The following SUCLG2 variants were observed in gnomAD, a reference collection of about 807,000 sequenced individuals.
SUCLG2 encodes the protein succinate--CoA ligase [GDP-forming] subunit beta, mitochondrial.
Under a neutral mutation model 47.9 loss-of-function variants are expected in SUCLG2, and 42 were observed. That is an observed-to-expected ratio of 0.88 (90% CI 0.69 to 1.14). SUCLG2 has a LOEUF of 1.14. SUCLG2 is among the 50% of genes most tolerant of loss of function. The pLI is 0.00. For missense variants in SUCLG2, 571 were observed against 525.9 expected, an observed-to-expected ratio of 1.09 and a Z score of -0.84; for synonymous variants, 195 against 197.3, an observed-to-expected ratio of 0.99 and a Z score of 0.10.
At chr3:67,561,467 T>A (rs1370858901) in intron 2 of SUCLG2, among the ~76,000 whole-genome samples, 3 of 152,240 alleles carry the variant, frequency 2.0e-5, no homozygotes, top group Admixed American at 2.0e-4. Flanking sequence ...TATCCTCTTG[T>A]GTGGCAAAAT....
intron 9 of SUCLG2, among the ~76,000 whole-genome samples, chr3:67,423,656 C>T (rs1233089920): frequency 6.6e-6 from 1 of 152,126 alleles, no homozygotes; most frequent in Non-Finnish European, 1.5e-5. Flanking sequence ...TTTTCTCTTA[C>T]CCCCTGCTCT....
intron 2 of SUCLG2, among the ~76,000 whole-genome samples, chr3:67,575,729 G>C (rs751644749): frequency 3.3e-5 from 5 of 152,182 alleles, no homozygotes; most frequent in Non-Finnish European, 5.9e-5. Flanking sequence ...AAGAAAGCTA[G>C]CCAACAAGGA....
At chr3:67,514,362 A>T in intron 6 of SUCLG2, 2 of 327,640 alleles carry the variant, frequency 6.1e-6, no homozygotes, top group South Asian at 6.5e-5. Context: ...TGCTGAAATA[A>T]ATCGTCTATT....
intron 2 of SUCLG2, among the ~76,000 whole-genome samples, chr3:67,538,823 G>C (rs1198622812): frequency 6.6e-6 from 1 of 152,132 alleles, no homozygotes; most frequent in African/African-American, 2.4e-5. Context: ...TGTAGCAATT[G>C]TGAATGTGAG....
intron 2 of SUCLG2, among the ~76,000 whole-genome samples, chr3:67,592,743 A>AAAAAAAAAAAAAAAAAAAAAAC (rs1559587055): frequency 1.3e-5 from 2 of 148,484 alleles, no homozygotes; most frequent in African/African-American, 5.1e-5. Context: ...AAAACAACAA[A>AAAAAAAAAAAAAAAAAAAAAAC]AAAAAACTGA....
intron 9 of SUCLG2, among the ~76,000 whole-genome samples, chr3:67,417,844 T>G (rs9830906): frequency 0.086 from 13,061 of 152,210 alleles, 672 homozygotes; most frequent in African/African-American, 0.14. Flanking sequence ...AAGACAAAAG[T>G]TTCCTCCTTT....
intron 2 of SUCLG2, among the ~76,000 whole-genome samples, chr3:67,561,366 T>C (rs1707303659): frequency 6.6e-6 from 1 of 152,136 alleles, no homozygotes; most frequent in Non-Finnish European, 1.5e-5. Flanking sequence ...TTTGCTTTCT[T>C]GCATTAAAAA....
At chr3:67,376,409 C>A (rs114460144) in intron 10 of SUCLG2, 3 of 985,400 alleles carry the variant, frequency 3.0e-6, no homozygotes, top group East Asian at 1.1e-4. Context: ...CCTGGTGGAT[C>A]TGGAGTATCT....
At chr3:67,649,274 G>T (rs1366643480) in intron 1 of SUCLG2, among the ~76,000 whole-genome samples, 4 of 152,156 alleles carry the variant, frequency 2.6e-5, no homozygotes, top group African/African-American at 9.7e-5. Context: ...ATAACTACAG[G>T]TTTATAGGCC....
At chr3:67,458,828 G>C (rs965018790) in intron 9 of SUCLG2, among the ~76,000 whole-genome samples, 5 of 152,062 alleles carry the variant, frequency 3.3e-5, no homozygotes, top group African/African-American at 7.3e-5. Context: ...CTGTCATATG[G>C]TCCTTTGAGT....
At chr3:67,385,721 A>G (rs1338807661) in intron 10 of SUCLG2, among the ~76,000 whole-genome samples, 1 of 152,210 alleles carries the variant, frequency 6.6e-6, no homozygotes, top group East Asian at 1.9e-4. Context: ...TCACACAATA[A>G]GGTGCATCCT....
At chr3:67,511,658 T>C (rs1705793859) in intron 6 of SUCLG2, among the ~76,000 whole-genome samples, 2 of 152,244 alleles carry the variant, frequency 1.3e-5, no homozygotes, top group Admixed American at 6.5e-5. Flanking sequence ...TATGTCTTTA[T>C]TATCAGCGTG....
chr3:67,399,621 T>C (rs1702638580), intron 10 of SUCLG2, among the ~76,000 whole-genome samples: 1 of 152,148 alleles, frequency 6.6e-6, no homozygotes, highest in African/African-American at 2.4e-5. Context: ...CAAATGTGAT[T>C]TTTTTTATAT....
intron 9 of SUCLG2, among the ~76,000 whole-genome samples, chr3:67,407,400 T>C (rs974059076): frequency 6.6e-6 from 1 of 152,230 alleles, no homozygotes; most frequent in African/African-American, 2.4e-5. Flanking sequence ...ACCCAGGCAG[T>C]AGTGGTGGCC....
chr3:67,551,922 A>G (rs1011768063), intron 2 of SUCLG2, among the ~76,000 whole-genome samples: 1 of 152,206 alleles, frequency 6.6e-6, no homozygotes, highest in East Asian at 1.9e-4. Context: ...AGATCCAGCC[A>G]GAGCTGAAAC....
At chr3:67,360,564 A>T in exon 11 of SUCLG2, 1 of 1,425,586 alleles carries the variant, frequency 7.0e-7, no homozygotes, top group Non-Finnish European at 9.2e-7. Flanking sequence ...TAAAAAAATA[A>T]TTTTGTGATG....
chr3:67,402,021 C>G (rs969397890), intron 9 of SUCLG2, among the ~76,000 whole-genome samples: 3 of 152,184 alleles, frequency 2.0e-5, no homozygotes. Flanking sequence ...CATGTTGTCC[C>G]AAGGTCACAC....
At chr3:67,526,310 A>G (rs1440057974) in intron 4 of SUCLG2, among the ~76,000 whole-genome samples, 1 of 152,218 alleles carries the variant, frequency 6.6e-6, no homozygotes, top group Non-Finnish European at 1.5e-5. Context: ...TGCAAAAAAA[A>G]TCTCATAATG....
intron 9 of SUCLG2, among the ~76,000 whole-genome samples, chr3:67,421,336 A>G (rs1703153394): frequency 6.6e-6 from 1 of 152,204 alleles, no homozygotes. Flanking sequence ...ACACGCTAAC[A>G]GAGTCCTTTT....
Sources: gnomAD v4.1 joint callset for allele counts (sites outside exome capture counted in the v4.1 genomes callset) on GRCh38, gnomAD v4.1.1 for gene constraint, MANE v1.5 for transcripts, NCBI Gene and HGNC (gene_info 2026-07-23, HGNC 2026-07-21) for gene names.